Variants in EXOC4 observed in about 807,000 individuals in gnomAD.
EXOC4 encodes SEC8-like 1.
EXOC4 carries 71 observed loss-of-function variants against 107.2 expected under a neutral mutation model. The ratio of observed to expected loss-of-function variants is 0.66; its 90% CI spans 0.55 to 0.81. EXOC4 has a LOEUF of 0.81. Ranked by LOEUF, EXOC4 falls within the 30% of genes least tolerant of loss-of-function variation. The pLI is 0.00. For missense variants in EXOC4, 1,108 were observed against 1,189.6 expected (o/e 0.93, Z 1.01); for synonymous variants, 456 against 441.2 (o/e 1.03, Z -0.42).
At chr7:133,710,046 C>T (rs1794851277) in intron 10 of EXOC4, among the ~76,000 whole-genome samples, 1 of 152,132 alleles carries the variant, frequency 6.6e-6, no homozygotes, top group Non-Finnish European at 1.5e-5. Context: ...GGCACTTTGC[C>T]TATGAGTGTT....
chr7:133,597,520 C>T (rs1417512428), intron 9 of EXOC4, among the ~76,000 whole-genome samples: 1 of 144,174 alleles, frequency 6.9e-6, no homozygotes, highest in African/African-American at 2.6e-5. Context: ...CACCATTGCA[C>T]TCCAGCCTGG....
intron 12 of EXOC4, among the ~76,000 whole-genome samples, chr7:133,897,787 A>G (rs1034258490): frequency 1.3e-5 from 2 of 152,156 alleles, no homozygotes; most frequent in Non-Finnish European, 2.9e-5. Flanking sequence ...ACATTATGAA[A>G]TGATTACATT....
intron 9 of EXOC4, among the ~76,000 whole-genome samples, chr7:133,593,708 T>C (rs1172637068): frequency 1.3e-5 from 2 of 152,230 alleles, no homozygotes; most frequent in African/African-American, 4.8e-5. Context: ...TTGTCACAAC[T>C]CCTGCACCTT....
chr7:133,546,064 T>A (rs1398626714), intron 9 of EXOC4, among the ~76,000 whole-genome samples: 1 of 152,182 alleles, frequency 6.6e-6, no homozygotes, highest in East Asian at 1.9e-4. Context: ...ATACTTCTGT[T>A]AATGTAGCCT....
At chr7:133,754,483 G>T (rs1795857655) in intron 10 of EXOC4, among the ~76,000 whole-genome samples, 1 of 152,120 alleles carries the variant, frequency 6.6e-6, no homozygotes, top group South Asian at 2.1e-4. Flanking sequence ...GAACTATGGA[G>T]GTTGTTAAAT....
At chr7:133,337,306 T>G (rs1293626535) in intron 5 of EXOC4, among the ~76,000 whole-genome samples, 2 of 152,184 alleles carry the variant, frequency 1.3e-5, no homozygotes, top group Non-Finnish European at 2.9e-5. Flanking sequence ...TTCCTTCATT[T>G]TCAAGACTTG....
intron 9 of EXOC4, among the ~76,000 whole-genome samples, chr7:133,595,394 T>A (rs1801642996): frequency 1.3e-5 from 2 of 152,228 alleles, no homozygotes. Context: ...ATAAATAATT[T>A]GCTTTTATTG....
intron 1 of EXOC4, among the ~76,000 whole-genome samples, chr7:133,271,891 G>A (rs1793879439): frequency 6.6e-6 from 1 of 151,960 alleles, no homozygotes; most frequent in African/African-American, 2.4e-5. Context: ...ACATTAAGGA[G>A]GAATAAGGTG....
chr7:133,772,947 T>C (rs1796274566), intron 10 of EXOC4, among the ~76,000 whole-genome samples: 1 of 152,032 alleles, frequency 6.6e-6, no homozygotes, highest in Non-Finnish European at 1.5e-5. Context: ...AAAATGGACA[T>C]AGGAATAATA....
At chr7:134,096,675 T>C in the EXOC4 span, among the ~76,000 whole-genome samples, 1 of 152,102 alleles carries the variant, frequency 6.6e-6, no homozygotes, top group South Asian at 2.1e-4. Context: ...AGCTGAAGAA[T>C]TTAGAGTCTG....
intron 16 of EXOC4, among the ~76,000 whole-genome samples, chr7:134,006,827 A>G (rs972668391): frequency 8.5e-5 from 13 of 152,316 alleles, no homozygotes; most frequent in African/African-American, 3.1e-4. Context: ...ATAGTAACCC[A>G]TATGTGCCTC....
chr7:134,096,386 A>G, the EXOC4 span, among the ~76,000 whole-genome samples: 1 of 152,190 alleles, frequency 6.6e-6, no homozygotes, highest in Non-Finnish European at 1.5e-5. Flanking sequence ...TCTACTGGGT[A>G]GAGGATTTTT....
chr7:133,658,966 G>A (rs1421626290), intron 10 of EXOC4, among the ~76,000 whole-genome samples: 2 of 130,626 alleles, frequency 1.5e-5, no homozygotes, highest in East Asian at 5.1e-4. Flanking sequence ...AGTAACCTTA[G>A]CCAATCATTG....
chr7:133,969,034 C>T (rs987060284), intron 14 of EXOC4, among the ~76,000 whole-genome samples: 6 of 152,130 alleles, frequency 3.9e-5, no homozygotes, highest in Non-Finnish European at 5.9e-5. Context: ...AGGCTTTGAT[C>T]GTTCCTTTTC....
chr7:133,864,272 G>T (rs1254439792), intron 11 of EXOC4, among the ~76,000 whole-genome samples: 2 of 152,136 alleles, frequency 1.3e-5, no homozygotes, highest in African/African-American at 4.8e-5. Flanking sequence ...CAACAACTCT[G>T]TGAGATAGGT....
rs902126804 is a variant in EXOC4 at position 133,484,948 on chromosome 7, C to T, written c.1417+4810C>T. On this transcript the variant is annotated intron_variant, in intron 9 of 17. Coordinates refer to ENST00000253861, the MANE Select transcript of EXOC4 (RefSeq NM_021807.4). Reference sequence around the variant, plus strand: ...TACAAAAATTAGCCTGGCGTGGTGGCGGACACCTGTAATCCCAGCTACTTG... The same window carrying T: ...TACAAAAATTAGCCTGGCGTGGTGGTGGACACCTGTAATCCCAGCTACTTG... Among the ~76,000 whole-genome samples the T allele has an allele frequency of 5.3e-5, 8 of 151,322 alleles. No homozygotes were observed. The South Asian group carries it at 6.3e-4, about 12-fold the overall frequency.
At chr7:133,492,287 G>T (rs368865271) in intron 9 of EXOC4, among the ~76,000 whole-genome samples, 1 of 152,266 alleles carries the variant, frequency 6.6e-6, no homozygotes, top group Admixed American at 6.5e-5. Flanking sequence ...GACTCATTCT[G>T]TGTGGTGTTT....
chr7:133,924,394 C>A (rs1800006420), intron 13 of EXOC4, among the ~76,000 whole-genome samples: 1 of 152,108 alleles, frequency 6.6e-6, no homozygotes, highest in African/African-American at 2.4e-5. Flanking sequence ...TTATAGGTAT[C>A]TTCAATAGCT....
intron 14 of EXOC4, among the ~76,000 whole-genome samples, chr7:133,948,498 T>C (rs1193993632): frequency 6.6e-6 from 1 of 152,178 alleles, no homozygotes; most frequent in African/African-American, 2.4e-5. Flanking sequence ...CTGGATGTGC[T>C]TTTTTTCAAA....
Sources: gnomAD v4.1 joint callset for allele counts (sites outside exome capture counted in the v4.1 genomes callset) on GRCh38, gnomAD v4.1.1 for gene constraint, MANE v1.5 for transcripts, NCBI Gene and HGNC (gene_info 2026-07-23, HGNC 2026-07-21) for gene names.